SUGCT: variants seen among roughly 807,000 people sequenced by gnomAD.
SUGCT encodes succinyl-CoA:glutarate CoA-transferase.
SUGCT carries 41 observed loss-of-function variants against 55.0 expected under a neutral mutation model. The ratio of observed to expected loss-of-function variants is 0.74; its 90% CI spans 0.58 to 0.97. The LOEUF (loss-of-function observed/expected upper bound fraction) is 0.97, where lower values mean the gene tolerates loss of function less well. Ranked by LOEUF, SUGCT falls within the 50% of genes least tolerant of loss-of-function variation. The probability of loss-of-function intolerance (pLI) is 0.00; values close to 1 mark genes in which losing one functional copy is unlikely to be tolerated. For missense variants in SUGCT, 568 were observed against 547.8 expected (o/e 1.04, Z -0.37); for synonymous variants, 187 against 200.4 (o/e 0.93, Z 0.56).
Position 40,136,893 on chromosome 7 carries a change from AG to A in SUGCT, c.100+1775del, listed in dbSNP as rs530177572. Among the ~76,000 whole-genome samples the A allele has an allele frequency of 1.2e-3, 183 of 152,134 alleles. 2 individuals carry two copies. Among genetic ancestry groups the A allele is most frequent in the African/African-American group, 4.3e-3 (177 of 41,522 alleles). On this transcript the variant is annotated intron_variant, in intron 1 of 13. Coordinates refer to ENST00000335693, the MANE Select transcript of SUGCT (RefSeq NM_001193313.2). The stretch of plus-strand genomic sequence containing the variant: ...GCGCCTGTAGTCCCAGTTGCTTGGG[AG>A]GCTGAGGTGGGATGGCTTGAGTCCT...
At chr7:40,338,514 A>G (rs894045082) in intron 9 of SUGCT, among the ~76,000 whole-genome samples, 1 of 152,152 alleles carries the variant, frequency 6.6e-6, no homozygotes, top group Non-Finnish European at 1.5e-5. Context: ...TCAATCACTG[A>G]TAGCCTTTCT....
At chr7:40,792,933 T>G (rs1790384955) in intron 13 of SUGCT, among the ~76,000 whole-genome samples, 2 of 152,134 alleles carry the variant, frequency 1.3e-5, no homozygotes, top group Non-Finnish European at 2.9e-5. Context: ...GTGCTGGAGA[T>G]TCTATTCAGT....
rs185045546 is a variant in SUGCT, at chr7:40,283,431, G to A, written c.720+8775G>A. Among the ~76,000 whole-genome samples, 68 of 152,122 alleles carry A rather than the reference G, an allele frequency of 4.5e-4. 1 individual carries two copies. Among genetic ancestry groups the A allele is most frequent in the Non-Finnish European group, 8.2e-4 (56 of 67,990 alleles). On this transcript the variant is annotated intron_variant, in intron 8 of 13. Coordinates refer to ENST00000335693, the MANE Select transcript of SUGCT (RefSeq NM_001193313.2). ...TTTGGTAGCGACGGGGTTCCACCATGTTGACCAGGCTGGTCTTAAACTCCT... is the reference window on the plus strand; with the variant it reads ...TTTGGTAGCGACGGGGTTCCACCATATTGACCAGGCTGGTCTTAAACTCCT...
At chr7:40,491,975 G>A (rs1227999485) in intron 11 of SUGCT, among the ~76,000 whole-genome samples, 2 of 147,670 alleles carry the variant, frequency 1.4e-5, no homozygotes, top group South Asian at 2.1e-4. Flanking sequence ...GGGCGATAGA[G>A]CAAAACTCTG....
chr7:40,624,416 CAT>C (rs1799419046), intron 12 of SUGCT, among the ~76,000 whole-genome samples: 1 of 152,148 alleles, frequency 6.6e-6, no homozygotes, highest in African/African-American at 2.4e-5. Flanking sequence ...CAGTACTTAA[CAT>C]GTAATTTTAC....
chr7:40,912,830 G>C, the SUGCT span, among the ~76,000 whole-genome samples: 1 of 146,276 alleles, frequency 6.8e-6, no homozygotes, highest in East Asian at 2.0e-4. Context: ...TCACTATTTA[G>C]TTTTCACAAT....
At chr7:40,575,257 C>T (rs1240631693) in intron 12 of SUGCT, among the ~76,000 whole-genome samples, 1 of 152,028 alleles carries the variant, frequency 6.6e-6, no homozygotes, top group Non-Finnish European at 1.5e-5. Context: ...GACTTAGGCC[C>T]CTTCAGCTCT....
the SUGCT span, among the ~76,000 whole-genome samples, chr7:40,977,334 G>C: frequency 2.0e-5 from 3 of 152,330 alleles, no homozygotes; most frequent in Admixed American, 6.5e-5. Context: ...AGGTTGAAGG[G>C]ACAGGACAGA....
At chr7:40,448,961 T>TATATAGAGAG in intron 9 of SUGCT, among the ~76,000 whole-genome samples, 1 of 144,166 alleles carries the variant, frequency 6.9e-6, no homozygotes, top group Non-Finnish European at 1.5e-5. Flanking sequence ...TATATATATA[T>TATATAGAGAG]AGAGAGAGAG....
chr7:40,605,495 A>G (rs1172531049), intron 12 of SUGCT, among the ~76,000 whole-genome samples: 2 of 152,188 alleles, frequency 1.3e-5, no homozygotes, highest in Admixed American at 6.5e-5. Flanking sequence ...CTTAAAATCT[A>G]TTTGGATTTG....
chr7:40,484,210 A>G (rs1791207778), intron 11 of SUGCT, among the ~76,000 whole-genome samples: 1 of 152,192 alleles, frequency 6.6e-6, no homozygotes, highest in Admixed American at 6.5e-5. Flanking sequence ...GTGTGTAGTG[A>G]GATGGGCTAT....
chr7:40,540,778 C>T (rs533384785), intron 12 of SUGCT, among the ~76,000 whole-genome samples: 2 of 152,308 alleles, frequency 1.3e-5, no homozygotes, highest in East Asian at 1.9e-4. Context: ...TTGTGTATGT[C>T]GCAGTAGAAC....
At chr7:40,156,709 G>T (rs946458435) in intron 1 of SUGCT, among the ~76,000 whole-genome samples, 2 of 152,240 alleles carry the variant, frequency 1.3e-5, no homozygotes, top group Middle Eastern at 3.4e-3. Context: ...TAGATGTCAG[G>T]TATTAACCAG....
intron 12 of SUGCT, among the ~76,000 whole-genome samples, chr7:40,595,656 G>C (rs1584088213): frequency 6.8e-6 from 1 of 146,214 alleles, no homozygotes; most frequent in Admixed American, 6.9e-5. Flanking sequence ...AAAAAAAAAA[G>C]TACGGTAAAT....
chr7:40,828,774 C>G (rs1005324196), intron 13 of SUGCT, among the ~76,000 whole-genome samples: 2 of 151,962 alleles, frequency 1.3e-5, no homozygotes, highest in Admixed American at 6.6e-5. Context: ...TGGTAAAGAC[C>G]ACCTCCAGCG....
chr7:40,355,867 A>AT (rs1410397709), intron 9 of SUGCT, among the ~76,000 whole-genome samples: 1 of 152,254 alleles, frequency 6.6e-6, no homozygotes, highest in African/African-American at 2.4e-5. Flanking sequence ...CCAAGTAGTT[A>AT]TATCAATCCA....
intron 9 of SUGCT, among the ~76,000 whole-genome samples, chr7:40,443,409 A>G (rs1221625285): frequency 6.6e-6 from 1 of 152,014 alleles, no homozygotes; most frequent in African/African-American, 2.4e-5. Flanking sequence ...TTTAATGATC[A>G]CCATTCTAAC....
intron 12 of SUGCT, among the ~76,000 whole-genome samples, chr7:40,692,021 T>C (rs759675955): frequency 4.6e-5 from 7 of 152,204 alleles, no homozygotes; most frequent in Non-Finnish European, 8.8e-5. Flanking sequence ...AGCCAGAATT[T>C]GAACTAGATG....
the SUGCT span, among the ~76,000 whole-genome samples, chr7:40,866,197 T>C: frequency 9.2e-5 from 14 of 152,266 alleles, no homozygotes; most frequent in Non-Finnish European, 1.5e-5. Context: ...AATACCTTTC[T>C]TTCCACCCCT....
Sources: allele counts gnomAD v4.1 joint callset (sites outside exome capture counted in the v4.1 genomes callset), GRCh38; gene constraint gnomAD v4.1.1; transcripts MANE v1.5; gene names NCBI Gene and HGNC (gene_info 2026-07-23, HGNC 2026-07-21).